Variants in PAPPA observed in about 807,000 individuals in gnomAD.
The protein encoded by PAPPA is pappalysin-1.
PAPPA carries 60 observed loss-of-function variants against 164.0 expected under a neutral mutation model. The ratio of observed to expected loss-of-function variants is 0.37; its 90% CI spans 0.30 to 0.45. The LOEUF (loss-of-function observed/expected upper bound fraction) is 0.45, where lower values mean the gene tolerates loss of function less well. PAPPA is among the 20% of genes least tolerant of loss of function. The pLI is 1.00. For missense variants in PAPPA, 1,782 were observed against 2,087.3 expected (o/e 0.85, Z 2.85); for synonymous variants, 875 against 814.1 (o/e 1.07, Z -1.27).
chr9:116,187,429 C>T lies in PAPPA; in HGVS notation c.691C>T (p.Leu231=). 6.2e-7 allele frequency: 1 copy of T among 1,614,182 alleles called. No individual in the cohort carries two copies. The change falls in exon 2 of 22, where the codon CTG becomes TTG. Residue 231 remains leucine (L), a synonymous_variant. Transcript: ENST00000328252. The surrounding 1 kb of genome is among the most constrained non-coding windows in gnomAD (Gnocchi z 4.2). Reference sequence around the variant, plus strand: ...ACAAGTGGGTGGCATATTCAGCCCACTGACCCAGAAGTGCAAAGTGCTCAT... The same window carrying T: ...ACAAGTGGGTGGCATATTCAGCCCATTGACCCAGAAGTGCAAAGTGCTCAT... ...GEQVGGIFSP[L]TQKCKVLMLG... is the part of the protein sequence containing the mutation.
At chr9:116,231,338 C>T (rs1375158875) in intron 6 of PAPPA, among the ~76,000 whole-genome samples, 1 of 151,934 alleles carries the variant, frequency 6.6e-6, no homozygotes, top group Non-Finnish European at 1.5e-5. Flanking sequence ...TCCTCCTCCC[C>T]CTTCCTTATC....
Position 116,382,448 on chromosome 9 carries a change from C to G in PAPPA, c.4731C>G (p.Asn1577Lys). The change falls in exon 21 of 22, where the codon AAC becomes AAG. Residue 1577 changes from asparagine to lysine, a missense_variant. By Grantham distance (94) the Asn-to-Lys change is moderately conservative. Coordinates refer to ENST00000328252, the MANE Select transcript of PAPPA (RefSeq NM_002581.5). ...CDAINNRAFC[N>K]YDGGDCCTST... The stretch of plus-strand genomic sequence containing the variant: ...CCATCAACAACCGAGCCTTTTGCAA[C>G]TATGACGGTGGGGATTGCTGCACCT... The G allele has an allele frequency of 6.2e-7, 1 of 1,613,938 alleles. No individual in the cohort carries two copies. Among genetic ancestry groups the G allele is most frequent in the Non-Finnish European group, 8.5e-7 (1 of 1,179,880 alleles).
At chr9:116,343,210 T>C (rs548853587) in intron 13 of PAPPA, among the ~76,000 whole-genome samples, 17 of 152,294 alleles carry the variant, frequency 1.1e-4, no homozygotes, top group African/African-American at 4.1e-4. Flanking sequence ...AATCAGCAAA[T>C]AGTAACTAAT....
intron 9 of PAPPA, among the ~76,000 whole-genome samples, chr9:116,280,072 A>G (rs1228817137): frequency 2.6e-5 from 4 of 152,168 alleles, no homozygotes; most frequent in Non-Finnish European, 1.5e-5. Context: ...GCAGGAAAAA[A>G]TCGGCTGCTT....
chr9:116,159,243 T>C (rs1215190941), intron 1 of PAPPA, among the ~76,000 whole-genome samples: 2 of 152,202 alleles, frequency 1.3e-5, no homozygotes, highest in Non-Finnish European at 2.9e-5. Flanking sequence ...ATCAGGATAG[T>C]TCAATGAAAT....
At chr9:116,247,603 T>C (rs879645996) in intron 7 of PAPPA, among the ~76,000 whole-genome samples, 6 of 151,996 alleles carry the variant, frequency 3.9e-5, no homozygotes, top group Non-Finnish European at 8.8e-5. Flanking sequence ...AGAAAACAAA[T>C]AAATGAAGAG....
intron 7 of PAPPA, among the ~76,000 whole-genome samples, chr9:116,237,793 C>T (rs1326189528): frequency 1.3e-5 from 2 of 151,580 alleles, no homozygotes; most frequent in Admixed American, 6.6e-5. Flanking sequence ...GATCTTGGCT[C>T]GCTGCAACCT....
intron 1 of PAPPA, among the ~76,000 whole-genome samples, chr9:116,170,913 T>C (rs10817862): frequency 0.45 from 68,127 of 151,830 alleles, 18,212 homozygotes; most frequent in Non-Finnish European, 0.61. Flanking sequence ...ACATCTTCAC[T>C]GAACCTTATG....
intron 7 of PAPPA, among the ~76,000 whole-genome samples, chr9:116,242,230 A>C (rs1032339930): frequency 1.3e-5 from 2 of 152,136 alleles, no homozygotes; most frequent in Non-Finnish European, 2.9e-5. Flanking sequence ...TGAATAGGTA[A>C]GGAGGGCTTC....
chr9:116,154,347 C>T lies in PAPPA; in HGVS notation c.175C>T (p.Pro59Ser), dbSNP rs959873324. The T allele has an allele frequency of 1.1e-4, 79 of 698,546 alleles. No individual in the cohort carries two copies. Among genetic ancestry groups the T allele is most frequent in the Non-Finnish European group, 1.3e-4 (73 of 571,428 alleles). 43.3% of individuals were successfully genotyped at this position (698,546 alleles called of 1,614,324 possible). A position where few individuals can be genotyped will look rare whatever the true frequency, so the allele number is the denominator to read the frequency against. The change falls in exon 1 of 22, where the codon CCG becomes TCG. Residue 59 changes from proline to serine, a missense_variant. Transcript: ENST00000328252. The surrounding 1 kb of genome is among the most constrained non-coding windows in gnomAD (Gnocchi z 5.2). The stretch of plus-strand genomic sequence containing the variant: ...GGCGGCCCGCGGCCGCCGCGCCTCG[C>T]CGCCGCCGCCGCCGCCGCCGGGCGG... ...TRAARGRRAS[P>S]PPPPPPGGAW...
intron 18 of PAPPA, among the ~76,000 whole-genome samples, chr9:116,366,420 A>AT (rs900345262): frequency 1.6e-4 from 25 of 152,102 alleles, no homozygotes; most frequent in African/African-American, 4.6e-4. Context: ...TCATTACCTG[A>AT]TTTTTTTTAT....
chr9:116,324,937 T>C (rs1446033093), intron 10 of PAPPA, among the ~76,000 whole-genome samples: 2 of 152,190 alleles, frequency 1.3e-5, no homozygotes, highest in African/African-American at 4.8e-5. Flanking sequence ...AAGGGAAGGT[T>C]CCATCCTGTG....
chr9:116,231,578 A>G (rs1384382931), intron 6 of PAPPA, among the ~76,000 whole-genome samples: 2 of 151,984 alleles, frequency 1.3e-5, no homozygotes, highest in African/African-American at 4.8e-5. Flanking sequence ...CATGTTGGCA[A>G]GCTTATTCTC....
intron 1 of PAPPA, among the ~76,000 whole-genome samples, chr9:116,179,481 G>A (rs527563093): frequency 1.3e-5 from 2 of 152,314 alleles, no homozygotes; most frequent in Admixed American, 1.3e-4. Flanking sequence ...ACACAGAGAT[G>A]TCCAGAACCC....
In PAPPA at chr9:116,227,570, A is replaced by G; in HGVS notation, c.2233+18A>G. 6.2e-7 allele frequency: 1 copy of G among 1,613,362 alleles called. No homozygotes were observed. On this transcript the variant is annotated intron_variant, in intron 6 of 21. Coordinates refer to ENST00000328252, the MANE Select transcript of PAPPA (RefSeq NM_002581.5). ...AGCAGAAGGTAAGCCAGCCTTCTGG[A>G]AGCTCATTGACAGGAGGAGTGTGCA...
chr9:116,232,793 A>G (rs1467323784), intron 6 of PAPPA, among the ~76,000 whole-genome samples: 1 of 152,210 alleles, frequency 6.6e-6, no homozygotes, highest in African/African-American at 2.4e-5. Flanking sequence ...GACAACCACA[A>G]GCTTTGCTAA....
intron 9 of PAPPA, among the ~76,000 whole-genome samples, chr9:116,276,075 A>ACCAGG (rs1339340693): frequency 6.6e-6 from 1 of 152,154 alleles, no homozygotes; most frequent in Non-Finnish European, 1.5e-5. Flanking sequence ...TATAACATAC[A>ACCAGG]CCAGGCCTGA....
chr9:116,318,560 G>C (rs1845815287), intron 10 of PAPPA: 2 of 152,094 alleles, frequency 1.3e-5, no homozygotes, highest in Non-Finnish European at 1.5e-5. Context: ...AAGAATACAA[G>C]GAAGGTTTTG....
At chr9:116,360,689 C>G (rs1846415088) in intron 17 of PAPPA, among the ~76,000 whole-genome samples, 1 of 152,116 alleles carries the variant, frequency 6.6e-6, no homozygotes, top group African/African-American at 2.4e-5. Context: ...TCACTCTCCA[C>G]CAATTCACCC....
Sources: allele counts gnomAD v4.1 joint callset (sites outside exome capture counted in the v4.1 genomes callset), GRCh38; gene constraint gnomAD v4.1.1; non-coding constraint Gnocchi (gnomAD v3.1); transcripts MANE v1.5; gene names NCBI Gene and HGNC (gene_info 2026-07-23, HGNC 2026-07-21).